Variants in TAFA1 observed in about 807,000 individuals in gnomAD.
TAFA1 encodes the protein chemokine-like protein TAFA-1.
In TAFA1, 4 loss-of-function variants were observed where a neutral mutation model predicts 18.5. The ratio of observed to expected loss-of-function variants is 0.22; its 90% confidence interval spans 0.11 to 0.49. The LOEUF (loss-of-function observed/expected upper bound fraction) is 0.49, where lower values mean the gene tolerates loss of function less well. Among genes scored for constraint, TAFA1 ranks in the 20% least tolerant of loss-of-function variants. The pLI is 0.98. For missense variants in TAFA1, 147 were observed against 169.0 expected, an observed-to-expected ratio of 0.87 and a Z score of 0.72; for synonymous variants, 56 against 55.2, an observed-to-expected ratio of 1.01 and a Z score of -0.06.
chr3:68,529,135 C>G (rs1446116317), intron 3 of TAFA1, among the ~76,000 whole-genome samples: 1 of 151,742 alleles, frequency 6.6e-6, no homozygotes, highest in Non-Finnish European at 1.5e-5. Context: ...AGTTCACTGC[C>G]TAGTACAAGT....
intron 2 of TAFA1, among the ~76,000 whole-genome samples, chr3:68,286,222 A>C (rs908870666): frequency 9.9e-5 from 15 of 151,972 alleles, no homozygotes; most frequent in Admixed American, 9.8e-4. Context: ...AAATAATAAT[A>C]ATAATCATAA....
At chr3:68,366,387 A>G (rs1028989493) in intron 2 of TAFA1, among the ~76,000 whole-genome samples, 1 of 152,212 alleles carries the variant, frequency 6.6e-6, no homozygotes, top group Non-Finnish European at 1.5e-5. Flanking sequence ...GAAAGAACAG[A>G]GGGCACAAGG....
At chr3:68,002,898 A>G (rs1268872963), upstream of TAFA1, among the ~76,000 whole-genome samples, 4 of 152,208 alleles carry the variant, frequency 2.6e-5, no homozygotes, top group African/African-American at 9.6e-5. Context: ...TTTACAAGAC[A>G]TACTATAGAA....
At chr3:68,107,875 T>C (rs2065220688) in intron 2 of TAFA1, among the ~76,000 whole-genome samples, 1 of 152,148 alleles carries the variant, frequency 6.6e-6, no homozygotes, top group South Asian at 2.1e-4. Context: ...TGTGTTTTTG[T>C]TGATTTTACA....
chr3:68,172,136 A>G (rs954943764), intron 2 of TAFA1, among the ~76,000 whole-genome samples: 12 of 152,224 alleles, frequency 7.9e-5, no homozygotes, highest in Non-Finnish European at 1.6e-4. Flanking sequence ...GATAAACTCA[A>G]TAAAACTCAC....
intron 2 of TAFA1, among the ~76,000 whole-genome samples, chr3:68,327,243 TA>T (rs1436750989): frequency 2.0e-5 from 3 of 152,194 alleles, no homozygotes; most frequent in Non-Finnish European, 4.4e-5. Flanking sequence ...CAGTCTCAGG[TA>T]TGTCTTTATT....
intron 2 of TAFA1, among the ~76,000 whole-genome samples, chr3:68,278,029 C>A (rs569697649): frequency 6.6e-6 from 1 of 152,096 alleles, no homozygotes; most frequent in Non-Finnish European, 1.5e-5. Context: ...TATCCTTACA[C>A]AAATGAGTGA....
At chr3:68,464,266 G>C (rs1412308658) in intron 3 of TAFA1, among the ~76,000 whole-genome samples, 1 of 152,172 alleles carries the variant, frequency 6.6e-6, no homozygotes, top group Non-Finnish European at 1.5e-5. Flanking sequence ...ATAGGACAGT[G>C]AATGAAAATG....
At chr3:68,436,213 C>A (rs1357909191) in intron 3 of TAFA1, among the ~76,000 whole-genome samples, 1 of 152,110 alleles carries the variant, frequency 6.6e-6, no homozygotes, top group Non-Finnish European at 1.5e-5. Context: ...TCCATCACAA[C>A]CAGATAAAGT....
intron 3 of TAFA1, among the ~76,000 whole-genome samples, chr3:68,516,958 G>C (rs2072930477): frequency 1.3e-5 from 2 of 152,054 alleles, no homozygotes; most frequent in African/African-American, 2.4e-5. Flanking sequence ...ATTTTTAATA[G>C]AGATAGGGCT....
In TAFA1 at chr3:68,521,820, A is replaced by ATAGAAGTG. The variant is rs140113754; in HGVS notation, c.260-16935_260-16928dup. ...TGTTTGCTTATGTTGTGACAGAAAC[A>ATAGAAGTG]TAGAAGTGAGTCTGGGTTTTTCTGT... On this transcript the variant is annotated intron_variant, in intron 3 of 4. Transcript: ENST00000478136. Among the ~76,000 whole-genome samples the ATAGAAGTG allele has an allele frequency of 8.4e-3, 1,246 of 148,204 alleles. 16 individuals carry two copies. The highest frequency in any genetic ancestry group is 0.03 in the African/African-American group (1,204 of 40,208).
intron 2 of TAFA1, among the ~76,000 whole-genome samples, chr3:68,241,567 T>C (rs1279244504): frequency 6.6e-6 from 1 of 152,172 alleles, no homozygotes; most frequent in Non-Finnish European, 1.5e-5. Context: ...AGTGTGCTTT[T>C]CCTAGGCTGT....
At chr3:68,487,038 G>A (rs1318167376) in intron 3 of TAFA1, among the ~76,000 whole-genome samples, 1 of 152,174 alleles carries the variant, frequency 6.6e-6, no homozygotes, top group African/African-American at 2.4e-5. Context: ...TTTGAGATCC[G>A]ATGAATCCAA....
intron 2 of TAFA1, among the ~76,000 whole-genome samples, chr3:68,099,892 C>T (rs753414344): frequency 1.3e-5 from 2 of 152,038 alleles, no homozygotes; most frequent in Non-Finnish European, 2.9e-5. Flanking sequence ...AAAATTAACA[C>T]AGTAACAGAA....
intron 2 of TAFA1, among the ~76,000 whole-genome samples, chr3:68,138,802 G>T (rs1393765246): frequency 1.3e-5 from 2 of 152,178 alleles, no homozygotes; most frequent in Non-Finnish European, 2.9e-5. Context: ...CTTGCTGTTT[G>T]CTACTCTTGA....
chr3:68,022,964 T>G (rs920154456), intron 2 of TAFA1, among the ~76,000 whole-genome samples: 14 of 147,794 alleles, frequency 9.5e-5, no homozygotes, highest in African/African-American at 3.0e-4. Context: ...AAAGTTACTC[T>G]TGTTTTTTTT....
chr3:68,400,388 A>G (rs1386189429), intron 2 of TAFA1, among the ~76,000 whole-genome samples: 1 of 152,226 alleles, frequency 6.6e-6, no homozygotes, highest in African/African-American at 2.4e-5. Flanking sequence ...ATTCCAGCCA[A>G]TGACACTCAG....
intron 2 of TAFA1, among the ~76,000 whole-genome samples, chr3:68,045,137 C>T (rs1210820553): frequency 1.3e-5 from 2 of 152,086 alleles, no homozygotes; most frequent in African/African-American, 4.8e-5. Context: ...TGGGTCTGCT[C>T]CTTGTGTCTC....
Position 68,305,409 on chromosome 3 carries a change from CTATATATATATATATATATA to C in TAFA1, c.119-111842_119-111823del, listed in dbSNP as rs773025236. Among the ~76,000 whole-genome samples, 108 of 38,202 alleles carry C rather than the reference CTATATATATATATATATATA, an allele frequency of 2.8e-3. 2 individuals are homozygous for C. Among genetic ancestry groups the C allele is most frequent in the Middle Eastern group, 0.021 (1 of 48 alleles). 25.1% of individuals were successfully genotyped at this position (38,202 alleles called of 152,430 possible). A position where few individuals can be genotyped will look rare whatever the true frequency, so the allele number is the denominator to read the frequency against. ...TATATGACTATATATGACTATATGACTATATATATATATATATATATATATATATATATATATATATATAT... is the reference window on the plus strand; with the variant it reads ...TATATGACTATATATGACTATATGACTATATATATATATATATATATATAT... On this transcript the variant is annotated intron_variant, in intron 2 of 4. Coordinates refer to ENST00000478136, the MANE Select transcript of TAFA1 (RefSeq NM_213609.4).
Sources: allele counts gnomAD v4.1 joint callset (sites outside exome capture counted in the v4.1 genomes callset), GRCh38; gene constraint gnomAD v4.1.1; transcripts MANE v1.5; gene names NCBI Gene and HGNC (gene_info 2026-07-23, HGNC 2026-07-21).